Variants in RAP1GAP2 observed in about 807,000 individuals in gnomAD.
The protein encoded by RAP1GAP2 is rap1 GTPase-activating protein 2.
In RAP1GAP2, 27 loss-of-function variants were observed where a neutral mutation model predicts 95.0. That is an observed-to-expected ratio of 0.28 (90% CI 0.21 to 0.39). RAP1GAP2 has a LOEUF of 0.39. Among genes scored for constraint, RAP1GAP2 ranks in the 10% least tolerant of loss-of-function variants. The pLI is 1.00. For synonymous variants in RAP1GAP2, 373 were observed against 380.9 expected, an observed-to-expected ratio of 0.98 and a Z score of 0.24; for missense variants, 771 against 970.0, an observed-to-expected ratio of 0.79 and a Z score of 2.72.
At chr17:2,948,379 C>T (rs573029080) in intron 3 of RAP1GAP2, among the ~76,000 whole-genome samples, 9 of 152,322 alleles carry the variant, frequency 5.9e-5, no homozygotes, top group African/African-American at 2.2e-4. Flanking sequence ...GTCACTTCTC[C>T]AGCGAGGGTC....
chr17:2,778,257 G>C (rs2068553568), intron 1 of RAP1GAP2, among the ~76,000 whole-genome samples: 1 of 145,526 alleles, frequency 6.9e-6, no homozygotes, highest in South Asian at 2.4e-4. Flanking sequence ...CTTCTTCCCA[G>C]ATATCAAGTA....
chr17:3,021,491 G>T (rs1376567402), intron 19 of RAP1GAP2, among the ~76,000 whole-genome samples: 2 of 144,648 alleles, frequency 1.4e-5, no homozygotes, highest in South Asian at 4.4e-4. Context: ...CTGGAATGCA[G>T]TGGCGCCATC....
intron 13 of RAP1GAP2, among the ~76,000 whole-genome samples, chr17:2,996,122 A>G (rs2045952390): frequency 6.6e-6 from 1 of 152,022 alleles, no homozygotes; most frequent in East Asian, 1.9e-4. Context: ...AAGGCTGGTT[A>G]TTGCGTGAGA....
intron 2 of RAP1GAP2, among the ~76,000 whole-genome samples, chr17:2,843,507 G>A (rs946517733): frequency 6.6e-6 from 1 of 151,850 alleles, no homozygotes; most frequent in Non-Finnish European, 1.5e-5. Flanking sequence ...GGCTGGTCTC[G>A]AACTCCTGAC....
intron 2 of RAP1GAP2, among the ~76,000 whole-genome samples, chr17:2,823,737 G>A (rs1456815905): frequency 1.3e-5 from 2 of 152,188 alleles, no homozygotes; most frequent in Non-Finnish European, 2.9e-5. Context: ...GCCCTGAGGG[G>A]CCAGTAAGCA....
chr17:2,756,994 C>T (rs1227685918), intron 1 of RAP1GAP2, among the ~76,000 whole-genome samples: 1 of 152,216 alleles, frequency 6.6e-6, no homozygotes, highest in East Asian at 1.9e-4. Context: ...TCACATTGTC[C>T]GAAAATCCCA....
chr17:2,872,342 G>A, intron 2 of RAP1GAP2, among the ~76,000 whole-genome samples: 1 of 151,862 alleles, frequency 6.6e-6, no homozygotes, highest in East Asian at 1.9e-4. Flanking sequence ...AATCTGAGGT[G>A]TCCATGCTCT....
At chr17:2,957,377 C>A (rs1376558931) in intron 3 of RAP1GAP2, among the ~76,000 whole-genome samples, 2 of 152,336 alleles carry the variant, frequency 1.3e-5, no homozygotes, top group South Asian at 2.1e-4. Flanking sequence ...GTGTTGGACA[C>A]CTTGGCCCCA....
chr17:2,896,345 G>A (rs1222669819), intron 2 of RAP1GAP2, among the ~76,000 whole-genome samples: 1 of 152,138 alleles, frequency 6.6e-6, no homozygotes, highest in Non-Finnish European at 1.5e-5. Flanking sequence ...AAGACGTTTG[G>A]CCACTGTCCC....
intron 3 of RAP1GAP2, among the ~76,000 whole-genome samples, chr17:2,922,825 T>C (rs1320656435): frequency 7.5e-6 from 1 of 133,204 alleles, no homozygotes; most frequent in Non-Finnish European, 1.5e-5. Flanking sequence ...ATTTTCTTTT[T>C]GTTTTTGTTT....
At chr17:2,756,202 G>T (rs1230500966) in intron 1 of RAP1GAP2, among the ~76,000 whole-genome samples, 1 of 152,236 alleles carries the variant, frequency 6.6e-6, no homozygotes, top group Non-Finnish European at 1.5e-5. Flanking sequence ...ACCACCCACA[G>T]CCCCCAACCC....
intron 2 of RAP1GAP2, among the ~76,000 whole-genome samples, chr17:2,839,808 A>C (rs1567697809): frequency 6.6e-6 from 1 of 151,638 alleles, no homozygotes; most frequent in Non-Finnish European, 1.5e-5. Flanking sequence ...TCTTTTTTTA[A>C]TTTTTTTTGA....
chr17:2,832,195 C>T (rs1410310659), intron 2 of RAP1GAP2, among the ~76,000 whole-genome samples: 5 of 115,858 alleles, frequency 4.3e-5, no homozygotes, highest in East Asian at 4.8e-4. Context: ...CAGAGTGAGA[C>T]TCTGTCTCCA....
chr17:2,978,016 T>A (rs1262940134), intron 8 of RAP1GAP2, among the ~76,000 whole-genome samples: 2 of 152,206 alleles, frequency 1.3e-5, no homozygotes, highest in East Asian at 3.8e-4. Flanking sequence ...CATCTGTTTA[T>A]ATCTTTCACC....
At chr17:2,772,858 T>TC (rs1555540238), upstream of RAP1GAP2, among the ~76,000 whole-genome samples, 18,874 of 127,466 alleles carry the variant, frequency 0.15, 1,186 homozygotes, top group African/African-American at 0.24. Flanking sequence ...TTTCTTTCTT[T>TC]TTTTTTTTTT....
rs1425654856 is a variant in RAP1GAP2, at chr17:2,825,617, GA to G, written c.80+25070del. Among the ~76,000 whole-genome samples the G allele has an allele frequency of 6.6e-6, 1 of 152,076 alleles. No homozygotes were observed. The highest frequency in any genetic ancestry group is 2.4e-5 in the African/African-American group (1 of 41,428). On this transcript the variant is annotated intron_variant, in intron 2 of 24. Coordinates refer to ENST00000254695, the MANE Select transcript of RAP1GAP2 (RefSeq NM_015085.5). This position sits in a 1 kb window ranked among gnomAD's most constrained non-coding sequence, Gnocchi z 4.1. Reference sequence around the variant, plus strand: ...CTCTCTGAGCTTGTTTTCCCATCCGGAAAGTGAAGATAAGGAGCGTCCCTGT... The same window carrying G: ...CTCTCTGAGCTTGTTTTCCCATCCGGAAGTGAAGATAAGGAGCGTCCCTGT...
intron 1 of RAP1GAP2, among the ~76,000 whole-genome samples, chr17:2,759,942 A>T (rs1264996888): frequency 6.6e-6 from 1 of 152,146 alleles, no homozygotes; most frequent in African/African-American, 2.4e-5. Context: ...ATTGAAAAAG[A>T]TATTGCCAAC....
intron 2 of RAP1GAP2, among the ~76,000 whole-genome samples, chr17:2,823,570 C>T (rs1024724958): frequency 3.3e-5 from 5 of 152,180 alleles, no homozygotes; most frequent in African/African-American, 9.7e-5. Context: ...CATGGCGTAA[C>T]GTGGGCTCTC....
At chr17:2,918,300 G>T (rs567125128) in intron 3 of RAP1GAP2, among the ~76,000 whole-genome samples, 10 of 152,104 alleles carry the variant, frequency 6.6e-5, no homozygotes, top group African/African-American at 2.4e-4. Flanking sequence ...GGGCATGGTG[G>T]CGAGCGCCTA....
Sources: allele counts gnomAD v4.1 joint callset (sites outside exome capture counted in the v4.1 genomes callset), GRCh38; gene constraint gnomAD v4.1.1; non-coding constraint Gnocchi (gnomAD v3.1); transcripts MANE v1.5; gene names NCBI Gene and HGNC (gene_info 2026-07-23, HGNC 2026-07-21).